COG5: variants seen among roughly 807,000 people sequenced by gnomAD.
COG5 encodes component of oligomeric golgi complex 5.
A neutral mutation model predicts 110.4 loss-of-function variants in COG5; 86 were observed. The observed-to-expected ratio is 0.78, with a 90% CI of 0.65 to 0.93. The LOEUF (loss-of-function observed/expected upper bound fraction) is 0.93. COG5 is among the 40% of genes least tolerant of loss of function. COG5 has a pLI of 0.00. For missense variants in COG5, 1,077 were observed against 987.0 expected (o/e 1.09, Z -1.22); for synonymous variants, 360 against 334.6 (o/e 1.08, Z -0.83).
rs1174856123 is a variant in COG5, at chr7:107,201,737, AGAG to A, written c.*1776_*1778del. 51 of 302,306 alleles carry A rather than the reference AGAG, an allele frequency of 1.7e-4. No individual in the cohort carries two copies. Among genetic ancestry groups the A allele is most frequent in the South Asian group, 1.0e-4 (1 of 9,798 alleles). The allele number at this position is 302,306 out of a possible 1,614,324, so 18.7% of individuals were successfully genotyped here. ...TGTGGTGCTAAAGTACAGTAGAAAGAGAGGAGAAGTGTATACATGTTTTATTTT... is the reference window on the plus strand; with the variant it reads ...TGTGGTGCTAAAGTACAGTAGAAAGAGAGAAGTGTATACATGTTTTATTTT... On this transcript the variant is annotated 3_prime_UTR_variant, in exon 22 of 22. Transcript: ENST00000297135.
intron 1 of COG5, 80 bp from the exon 2 acceptor site, chr7:107,558,195 C>T: frequency 2.9e-6 from 4 of 1,388,102 alleles, no homozygotes; most frequent in Non-Finnish European, 4.0e-6. Context: ...CAATTATAAT[C>T]ATAATTAACA....
At chr7:107,247,472 G>T (rs1038736398) in intron 17 of COG5, among the ~76,000 whole-genome samples, 1 of 152,274 alleles carries the variant, frequency 6.6e-6, no homozygotes, top group Middle Eastern at 3.4e-3. Context: ...TAAATTCATA[G>T]ATGGAAATTT....
At chr7:107,239,226 T>C (rs553277285) in intron 17 of COG5, among the ~76,000 whole-genome samples, 3 of 152,214 alleles carry the variant, frequency 2.0e-5, no homozygotes, top group Non-Finnish European at 2.9e-5. Context: ...GGAACTGTCC[T>C]TATTCCATTG....
intron 5 of COG5, among the ~76,000 whole-genome samples, chr7:107,540,727 A>G (rs1019070609): frequency 5.3e-5 from 8 of 152,002 alleles, no homozygotes; most frequent in Admixed American, 2.0e-4. Flanking sequence ...TAAAATACAC[A>G]TTTCTAATAT....
At chr7:107,306,707 C>T (rs931697683) in intron 11 of COG5, among the ~76,000 whole-genome samples, 1 of 152,138 alleles carries the variant, frequency 6.6e-6, no homozygotes, top group Non-Finnish European at 1.5e-5. Flanking sequence ...ATAAAGCATA[C>T]ACAATCTCTT....
chr7:107,203,279 A>G lies in COG5; in HGVS notation c.*237T>C, dbSNP rs577491628. 1.8e-5 allele frequency: 10 copies of G among 540,960 alleles called. 1 individual carries two copies. The South Asian group carries it at 1.9e-4, about 10-fold the overall frequency. 33.5% of individuals were successfully genotyped at this position (540,960 alleles called of 1,614,324 possible). ...ATTTTAGCCTTGTACAAAAATCTGAAAGAGGAAAACATCTTTCTGGAAAAA... is the reference window on the plus strand; with the variant it reads ...ATTTTAGCCTTGTACAAAAATCTGAGAGAGGAAAACATCTTTCTGGAAAAA... On this transcript the variant is annotated 3_prime_UTR_variant, in exon 22 of 22. Transcript: ENST00000297135.
intron 13 of COG5, among the ~76,000 whole-genome samples, chr7:107,283,059 G>C (rs1428755406): frequency 6.6e-6 from 1 of 152,102 alleles, no homozygotes; most frequent in Non-Finnish European, 1.5e-5. Flanking sequence ...TTGTCTGCAG[G>C]CATTCAGGTG....
At chr7:107,357,039 T>C (rs1177898740) in intron 10 of COG5, among the ~76,000 whole-genome samples, 1 of 152,166 alleles carries the variant, frequency 6.6e-6, no homozygotes, top group Non-Finnish European at 1.5e-5. Context: ...TGAAATTTCC[T>C]AAAGAATATA....
At chr7:107,221,363 C>T (rs551552604) in intron 19 of COG5, among the ~76,000 whole-genome samples, 18 of 152,212 alleles carry the variant, frequency 1.2e-4, no homozygotes, top group African/African-American at 4.3e-4. Flanking sequence ...ACCTCTACAA[C>T]AGGAAGGTGA....
At position 107,474,536 on chromosome 7, in the gene COG5, T is replaced by C. The variant is rs1253725952; in HGVS notation, c.538+52701A>G. The C allele has an allele frequency of 1.9e-6, 3 of 1,611,804 alleles. No homozygotes were observed. Among genetic ancestry groups the C allele is most frequent in the Non-Finnish European group, 1.7e-6 (2 of 1,178,346 alleles). ...ATTCTGACAATGGGCAGAGCTGTAA[T>C]GTTAATGATATCCATTTGGATTTTT... On this transcript the variant is annotated intron_variant, in intron 6 of 21. Coordinates refer to ENST00000297135, the MANE Select transcript of COG5 (RefSeq NM_006348.5). The surrounding 1 kb of genome is among the most constrained non-coding windows in gnomAD (Gnocchi z 5.7).
At chr7:107,558,635 C>G (rs563866899) in intron 1 of COG5, among the ~76,000 whole-genome samples, 1 of 148,722 alleles carries the variant, frequency 6.7e-6, no homozygotes, top group African/African-American at 2.5e-5. Context: ...ACCTGTAATC[C>G]CAGCACTTTG....
chr7:107,410,491 G>T, intron 7 of COG5, among the ~76,000 whole-genome samples: 1 of 152,102 alleles, frequency 6.6e-6, no homozygotes, highest in East Asian at 1.9e-4. Context: ...TGCCCAGGCT[G>T]GAGTGTGATG....
chr7:107,469,866 C>G (rs1796527899), intron 6 of COG5, among the ~76,000 whole-genome samples: 1 of 151,980 alleles, frequency 6.6e-6, no homozygotes, highest in Non-Finnish European at 1.5e-5. Flanking sequence ...TACACATATT[C>G]TATTTAAGAA....
At chr7:107,466,330 A>T (rs1267349820) in intron 6 of COG5, among the ~76,000 whole-genome samples, 2 of 152,194 alleles carry the variant, frequency 1.3e-5, no homozygotes, top group African/African-American at 4.8e-5. Context: ...GTAGGTATGG[A>T]TGGAAAAATG....
intron 7 of COG5, among the ~76,000 whole-genome samples, chr7:107,382,387 C>T (rs569670769): frequency 1.3e-5 from 2 of 152,306 alleles, no homozygotes; most frequent in South Asian, 4.1e-4. Flanking sequence ...TCTTGCTGCA[C>T]TTTATGCAAA....
chr7:107,342,989 T>G (rs908484838), intron 10 of COG5, among the ~76,000 whole-genome samples: 2 of 152,186 alleles, frequency 1.3e-5, no homozygotes, highest in African/African-American at 4.8e-5. Context: ...AATAGTAGAT[T>G]AGATAACAAA....
intron 11 of COG5, among the ~76,000 whole-genome samples, chr7:107,301,329 GA>G (rs2116934816): frequency 6.6e-6 from 1 of 152,132 alleles, no homozygotes; most frequent in African/African-American, 2.4e-5. Context: ...ACACGCCCCA[GA>G]AAGGGAAAAT....
At chr7:107,345,594 C>T (rs541770445) in intron 10 of COG5, among the ~76,000 whole-genome samples, 1 of 151,890 alleles carries the variant, frequency 6.6e-6, no homozygotes, top group Non-Finnish European at 1.5e-5. Flanking sequence ...TCAATGGATA[C>T]AGAATTTCAG....
intron 19 of COG5, among the ~76,000 whole-genome samples, chr7:107,227,992 T>C (rs937812993): frequency 9.2e-5 from 14 of 152,026 alleles, no homozygotes; most frequent in African/African-American, 3.4e-4. Flanking sequence ...ACTGGGGCTA[T>C]AAAAAATAAT....
Sources: gnomAD v4.1 joint callset for allele counts (sites outside exome capture counted in the v4.1 genomes callset) on GRCh38, gnomAD v4.1.1 for gene constraint, Gnocchi (gnomAD v3.1) non-coding constraint, MANE v1.5 for transcripts, NCBI Gene and HGNC (gene_info 2026-07-23, HGNC 2026-07-21) for gene names.